Variants in SLC38A6 observed in about 807,000 individuals in gnomAD.
SLC38A6 encodes solute carrier family 38 member 6.
A neutral mutation model predicts 65.0 loss-of-function variants in SLC38A6; 73 were observed. The observed-to-expected ratio is 1.12, with a 90% CI of 0.93 to 1.37. The LOEUF (loss-of-function observed/expected upper bound fraction) is 1.37. SLC38A6 is among the 40% of genes most tolerant of loss of function. The pLI, the probability that SLC38A6 is intolerant of heterozygous loss-of-function variation, is 0.00. For synonymous variants in SLC38A6, 183 were observed against 178.8 expected, an observed-to-expected ratio of 1.02 and a Z score of -0.19; for missense variants, 561 against 531.1, an observed-to-expected ratio of 1.06 and a Z score of -0.55.
intron 5 of SLC38A6, among the ~76,000 whole-genome samples, chr14:61,026,930 C>T (rs2040642384): frequency 6.6e-6 from 1 of 151,986 alleles, no homozygotes; most frequent in Admixed American, 6.6e-5. Context: ...GCCCAGAGTC[C>T]CTTCCCTGTT....
intron 5 of SLC38A6, among the ~76,000 whole-genome samples, chr14:61,023,712 A>G (rs1349579345): frequency 1.3e-5 from 2 of 151,842 alleles, no homozygotes; most frequent in Non-Finnish European, 2.9e-5. Flanking sequence ...AATACTTCTC[A>G]GTTTTCATGA....
rs117312588 is a variant in SLC38A6 at position 61,035,942 on chromosome 14, T to C, written c.483-1117T>C. ...TTTATATGTGCATCCAGTTTTGTTT[T>C]TTTCAATGAACAAATACAAAATCAC... On this transcript the variant is annotated intron_variant, in intron 6 of 15. Coordinates refer to ENST00000267488, the MANE Select transcript of SLC38A6 (RefSeq NM_153811.3). Among the ~76,000 whole-genome samples the C allele has an allele frequency of 1.1e-3, 166 of 152,308 alleles. No individual in the cohort carries two copies. The East Asian group carries it at 0.023, about 21-fold the overall frequency.
intron 15 of SLC38A6, among the ~76,000 whole-genome samples, chr14:61,062,589 G>T (rs748705717): frequency 1.8e-4 from 27 of 151,666 alleles, no homozygotes; most frequent in Non-Finnish European, 3.5e-4. Flanking sequence ...AGCATACTGA[G>T]TAGCTGGGAC....
intron 3 of SLC38A6, among the ~76,000 whole-genome samples, chr14:61,007,958 AT>A (rs1294343964): frequency 6.6e-6 from 1 of 152,110 alleles, no homozygotes; most frequent in Non-Finnish European, 1.5e-5. Context: ...AGAATATGTG[AT>A]TTGAAAAAAA....
At chr14:60,986,440 T>C (rs1213174878) in intron 3 of SLC38A6, among the ~76,000 whole-genome samples, 2 of 152,218 alleles carry the variant, frequency 1.3e-5, no homozygotes, top group Non-Finnish European at 2.9e-5. Flanking sequence ...GTGATTCTTA[T>C]GCAAATCTAG....
chr14:61,008,228 C>G (rs2039294810), intron 3 of SLC38A6, among the ~76,000 whole-genome samples: 1 of 152,080 alleles, frequency 6.6e-6, no homozygotes, highest in African/African-American at 2.4e-5. Flanking sequence ...ATTCGTTGAT[C>G]AATTCTGATA....
At chr14:61,055,167 G>A (rs1594763207), downstream of SLC38A6, among the ~76,000 whole-genome samples, 1 of 74,038 alleles carries the variant, frequency 1.4e-5, no homozygotes, top group Non-Finnish European at 2.5e-5. Context: ...TGCACATTGT[G>A]CAGGTTAGTT....
chr14:60,982,680 T>G (rs1269032369), intron 2 of SLC38A6, 42 bp downstream of exon 2: 1 of 1,580,864 alleles, frequency 6.3e-7, no homozygotes, highest in Non-Finnish European at 8.6e-7. Flanking sequence ...TTTTCCATTT[T>G]GATAATATAC....
At chr14:61,047,322 A>G (rs2042212132) in intron 12 of SLC38A6, among the ~76,000 whole-genome samples, 1 of 152,188 alleles carries the variant, frequency 6.6e-6, no homozygotes. Flanking sequence ...TTAGATTGAA[A>G]GGGATGTGGA....
chr14:61,072,951 C>G (rs562957781), intron 15 of SLC38A6, among the ~76,000 whole-genome samples: 1 of 152,292 alleles, frequency 6.6e-6, no homozygotes, highest in East Asian at 1.9e-4. Context: ...TGAGGAACCT[C>G]CAAACTGTTC....
intron 10 of SLC38A6, among the ~76,000 whole-genome samples, chr14:61,044,962 T>C (rs2042045859): frequency 1.3e-5 from 2 of 152,194 alleles, no homozygotes; most frequent in South Asian, 4.1e-4. Flanking sequence ...AAATTGTGCG[T>C]ACATTTAGAA....
intron 1 of SLC38A6, among the ~76,000 whole-genome samples, chr14:60,981,897 G>C (rs939617799): frequency 6.6e-6 from 1 of 152,156 alleles, no homozygotes; most frequent in Admixed American, 6.5e-5. Flanking sequence ...TGGGCACTCC[G>C]CTTTTTAACT....
At chr14:61,006,931 C>T (rs2039170612) in intron 3 of SLC38A6, among the ~76,000 whole-genome samples, 3 of 152,124 alleles carry the variant, frequency 2.0e-5, no homozygotes, top group Admixed American at 2.0e-4. Context: ...GCCAAATGTC[C>T]AACAATGATA....
At chr14:61,048,009 ACATAC>A (rs2042265274) in intron 12 of SLC38A6, 1 of 345,746 alleles carries the variant, frequency 2.9e-6, no homozygotes, top group South Asian at 2.3e-5. Flanking sequence ...ATACATACAT[ACATAC>A]ATACATACAT....
chr14:60,990,604 C>T (rs2037793674), intron 3 of SLC38A6, among the ~76,000 whole-genome samples: 1 of 152,064 alleles, frequency 6.6e-6, no homozygotes, highest in African/African-American at 2.4e-5. Context: ...CCTGCATGTT[C>T]AGTCCATGCC....
At chr14:61,049,230 C>T (rs996207030) in intron 12 of SLC38A6, among the ~76,000 whole-genome samples, 2 of 152,200 alleles carry the variant, frequency 1.3e-5, no homozygotes, top group Non-Finnish European at 2.9e-5. Context: ...GTTGAGGCCA[C>T]ATCTCATGCA....
intron 5 of SLC38A6, among the ~76,000 whole-genome samples, chr14:61,025,168 A>C (rs1303286455): frequency 1.3e-5 from 2 of 152,182 alleles, no homozygotes; most frequent in Non-Finnish European, 2.9e-5. Context: ...GGGTAACCCC[A>C]TTTCTAAATC....
chr14:61,036,202 C>T (rs1224193726), intron 6 of SLC38A6, among the ~76,000 whole-genome samples: 2 of 151,976 alleles, frequency 1.3e-5, no homozygotes, highest in East Asian at 3.8e-4. Flanking sequence ...ATGCTATATA[C>T]ACACAAATAT....
chr14:61,043,406 A>C (rs1379037236), intron 9 of SLC38A6, 44 bp from the exon 10 acceptor site: 3 of 1,428,390 alleles, frequency 2.1e-6, no homozygotes, highest in Non-Finnish European at 1.9e-6. Context: ...TCTGAAATTT[A>C]ATGGCTGTTG....
Sources: allele counts gnomAD v4.1 joint callset (sites outside exome capture counted in the v4.1 genomes callset), GRCh38; gene constraint gnomAD v4.1.1; transcripts MANE v1.5; gene names NCBI Gene and HGNC (gene_info 2026-07-23, HGNC 2026-07-21).